The following WASHC3 variants were observed in gnomAD, a reference collection of about 807,000 sequenced individuals.
WASHC3 encodes the protein WASH complex subunit CCDC53.
A neutral mutation model predicts 26.1 loss-of-function variants in WASHC3; 24 were observed. The observed-to-expected ratio is 0.92, with a 90% CI of 0.66 to 1.29. WASHC3 has a LOEUF of 1.29. Ranked by LOEUF, WASHC3 falls within the 50% of genes most tolerant of loss-of-function variation. The pLI is 0.00. For missense variants in WASHC3, 214 were observed against 229.6 expected (o/e 0.93, Z 0.44); for synonymous variants, 77 against 75.7 (o/e 1.02, Z -0.09).
chr12:102,051,673 T>C (rs1878398825), intron 2 of WASHC3, among the ~76,000 whole-genome samples: 1 of 152,234 alleles, frequency 6.6e-6, no homozygotes, highest in African/African-American at 2.4e-5. Flanking sequence ...TGCTACTTTC[T>C]ATCTGTGTAT....
chr12:102,020,340 C>T (rs149952210), intron 6 of WASHC3, among the ~76,000 whole-genome samples: 78 of 152,304 alleles, frequency 5.1e-4, no homozygotes, highest in African/African-American at 1.8e-3. Context: ...CACTGAGTCC[C>T]TAGATCCTGT....
At chr12:102,059,812 G>A (rs569014919) in intron 2 of WASHC3, 2 of 152,240 alleles carry the variant, frequency 1.3e-5, no homozygotes, top group South Asian at 2.1e-4. Flanking sequence ...ATCGAAGGGT[G>A]AAAACCTTGG....
chr12:102,032,356 C>T (rs1877472618), intron 5 of WASHC3, among the ~76,000 whole-genome samples: 1 of 152,080 alleles, frequency 6.6e-6, no homozygotes, highest in South Asian at 2.1e-4. Flanking sequence ...CGGACTTGCC[C>T]AATGCACAAT....
At chr12:102,020,886 A>G (rs1322078094) in intron 6 of WASHC3, among the ~76,000 whole-genome samples, 3 of 152,210 alleles carry the variant, frequency 2.0e-5, no homozygotes. Context: ...GTTCGAGACC[A>G]GTCTGGCCAA....
chr12:102,014,207 C>T (rs904793081), intron 6 of WASHC3, among the ~76,000 whole-genome samples: 3 of 150,486 alleles, frequency 2.0e-5, no homozygotes, highest in Admixed American at 6.7e-5. Flanking sequence ...CTCAGCCTCC[C>T]GAGTAGAGGT....
At position 102,013,163 on chromosome 12, in the gene WASHC3, T is replaced by C. The variant is rs1226901630; in HGVS notation, c.530A>G (p.Glu177Gly). The change falls in exon 7 of 7, where the codon GAA becomes GGA. Residue 177 changes from glutamate (E) to glycine (G), a missense_variant. By Grantham distance (98) the Glu-to-Gly change is moderately conservative (BLOSUM62 -2). Transcript: ENST00000240079. ...ERPDAPVPDG[E>G]SEKTVEESSD... is the part of the protein sequence containing the mutation. ...ACTTTCTTCTACAGTTTTCTCACTT[T>C]CGCCATCAGGCACTGGAGCATCTGG... The C allele has an allele frequency of 6.5e-7, 1 of 1,550,136 alleles. No individual in the cohort carries two copies. Among genetic ancestry groups the C allele is most frequent in the South Asian group, 1.2e-5 (1 of 84,336 alleles).
chr12:102,051,871 G>T (rs993163934), intron 2 of WASHC3, among the ~76,000 whole-genome samples: 1 of 152,232 alleles, frequency 6.6e-6, no homozygotes. Context: ...ATGATGCCCA[G>T]CACAGAGGAA....
At chr12:102,026,827 A>T (rs1877212661) in intron 5 of WASHC3, among the ~76,000 whole-genome samples, 1 of 152,296 alleles carries the variant, frequency 6.6e-6, no homozygotes, top group Admixed American at 6.5e-5. Flanking sequence ...ATCCCCAAGG[A>T]TAAGAAACAC....
At chr12:102,048,710 T>C (rs1000057977) in intron 2 of WASHC3, among the ~76,000 whole-genome samples, 1 of 152,138 alleles carries the variant, frequency 6.6e-6, no homozygotes, top group Non-Finnish European at 1.5e-5. Flanking sequence ...ATTAGACATA[T>C]GAAAGGATTA....
rs148134732 is a variant in WASHC3 at position 102,029,824 on chromosome 12, T to C, written c.436-3786A>G. 4.9e-3 allele frequency among the ~76,000 whole-genome samples: 753 copies of C among 152,224 alleles called. 6 individuals are homozygous for C. Among genetic ancestry groups the C allele is most frequent in the African/African-American group, 0.017 (691 of 41,526 alleles). On this transcript the variant is annotated intron_variant, in intron 5 of 6. Transcript: ENST00000240079. ...ATAAAAAATAGATCTATTGAATACGTTGGTGGAAAAAACTTTTTCTTTGCA... is the reference window on the plus strand; with the variant it reads ...ATAAAAAATAGATCTATTGAATACGCTGGTGGAAAAAACTTTTTCTTTGCA...
At chr12:102,018,628 G>A (rs1594346945) in intron 6 of WASHC3, among the ~76,000 whole-genome samples, 2 of 151,822 alleles carry the variant, frequency 1.3e-5, no homozygotes, top group South Asian at 2.1e-4. Flanking sequence ...ACACTCTATC[G>A]CGCCTGGCTA....
Position 102,037,117 on chromosome 12 carries a change from C to A in WASHC3, c.435+2751G>T, listed in dbSNP as rs1405134226. ...AATTTTGTAGGGTAGGGCCCAGGAA[C>A]TTATATTTTGGAAGTTTCTCAAACC... is the stretch of plus-strand genomic sequence containing the variant. On this transcript the variant is annotated intron_variant, in intron 5 of 6. Coordinates refer to ENST00000240079, the MANE Select transcript of WASHC3 (RefSeq NM_016053.4). Among the ~76,000 whole-genome samples the A allele has an allele frequency of 1.1e-4, 17 of 152,186 alleles. No individual in the cohort carries two copies. In the East Asian group the frequency reaches 3.3e-3, roughly 29 times the overall value.
At chr12:102,061,504 G>T (rs1343449725) in intron 1 of WASHC3, among the ~76,000 whole-genome samples, 158 bp from the exon 2 acceptor site, 1 of 152,168 alleles carries the variant, frequency 6.6e-6, no homozygotes, top group Non-Finnish European at 1.5e-5. Context: ...CTGTGGGTGG[G>T]GTGTCCGAAG....
chr12:102,034,102 T>C (rs1877550123), intron 5 of WASHC3, among the ~76,000 whole-genome samples: 1 of 152,034 alleles, frequency 6.6e-6, no homozygotes, highest in Non-Finnish European at 1.5e-5. Context: ...CCTCTAGAAT[T>C]AGCTGGGGTT....
intron 3 of WASHC3, among the ~76,000 whole-genome samples, chr12:102,045,672 T>C (rs919289898): frequency 1.3e-5 from 2 of 152,252 alleles, no homozygotes; most frequent in Admixed American, 1.3e-4. Flanking sequence ...CAGCTGATAT[T>C]GTCTCTAAAA....
chr12:102,023,319 G>C (rs974246314), intron 6 of WASHC3, among the ~76,000 whole-genome samples: 28 of 151,984 alleles, frequency 1.8e-4, no homozygotes, highest in Admixed American at 1.3e-4. Context: ...TTTGCCCTTT[G>C]CTCAGTGCAG....
intron 2 of WASHC3, among the ~76,000 whole-genome samples, chr12:102,048,005 T>G (rs576872033): frequency 3.9e-5 from 6 of 152,258 alleles, no homozygotes; most frequent in African/African-American, 1.4e-4. Context: ...TCACGAGATT[T>G]TTTTGAGATA....
intron 5 of WASHC3, among the ~76,000 whole-genome samples, chr12:102,032,197 C>T (rs1021500080): frequency 2.6e-5 from 4 of 152,098 alleles, no homozygotes; most frequent in Non-Finnish European, 4.4e-5. Context: ...ATGGATGCAT[C>T]AGAACCACCA....
At chr12:102,034,654 C>T (rs1424417065) in intron 5 of WASHC3, among the ~76,000 whole-genome samples, 1 of 151,940 alleles carries the variant, frequency 6.6e-6, no homozygotes, top group Non-Finnish European at 1.5e-5. Context: ...AAAACATCCT[C>T]AGTTAAAATT....
Sources: gnomAD v4.1 joint callset for allele counts (sites outside exome capture counted in the v4.1 genomes callset) on GRCh38, gnomAD v4.1.1 for gene constraint, MANE v1.5 for transcripts, NCBI Gene and HGNC (gene_info 2026-07-23, HGNC 2026-07-21) for gene names.